The following EPN1 variants were observed in gnomAD, a reference collection of about 807,000 sequenced individuals.
The protein encoded by EPN1 is epsin 1, also known as epsin-1.
EPN1 carries 25 observed loss-of-function variants against 56.9 expected under a neutral mutation model. That is an observed-to-expected ratio of 0.44 (90% confidence interval 0.32 to 0.61). The LOEUF is 0.61. Among genes scored for constraint, EPN1 ranks in the 20% least tolerant of loss-of-function variants. The pLI, the probability that EPN1 is intolerant of heterozygous loss-of-function variation, is 0.05. For synonymous variants in EPN1, 411 were observed against 361.8 expected, an observed-to-expected ratio of 1.14 and a Z score of -1.54; for missense variants, 785 against 823.7, an observed-to-expected ratio of 0.95 and a Z score of 0.58.
rs1054174236 is a variant in EPN1 at position 55,702,152 on chromosome 19, G to A, written c.*6796G>A. The A allele has an allele frequency of 6.6e-6, 1 of 152,082 alleles. No homozygotes were observed. The highest frequency in any genetic ancestry group is 1.5e-5 in the Non-Finnish European group (1 of 68,074). 9.4% of individuals were successfully genotyped at this position (152,082 alleles called of 1,614,324 possible). On this transcript the variant is annotated 3_prime_UTR_variant, in exon 11 of 11. Transcript: ENST00000270460. ...AATTTTGTATTTTTAGTAGAGACAA[G>A]GTTTCACCATGTTGGTCAGGCTGGT... is the stretch of plus-strand genomic sequence containing the variant.
Position 55,691,675 on chromosome 19 carries a change from C to T in EPN1, c.763-79C>T, listed in dbSNP as rs530405614. 1.2e-4 allele frequency: 166 copies of T among 1,384,184 alleles called. No homozygotes were observed. In the African/African-American group the frequency reaches 1.2e-3, roughly 10 times the overall value. The allele number at this position is 1,384,184 out of a possible 1,614,324, so 85.7% of individuals were successfully genotyped here. ...ACACCCAGGGCCTGGCCGCCTCCCC[C>T]GCCACGGGCCCCAGCTTGGTCCCTG... On this transcript the variant is annotated intron_variant, in intron 6 of 10. Coordinates refer to ENST00000270460, the MANE Select transcript of EPN1 (RefSeq NM_001130072.2). This position sits in a 1 kb window ranked among gnomAD's most constrained non-coding sequence, Gnocchi z 5.6.
At chr19:55,677,401 C>T (rs1332109744) in intron 1 of EPN1, 1 of 653,588 alleles carries the variant, frequency 1.5e-6, no homozygotes, top group African/African-American at 1.8e-5. Flanking sequence ...ATTTGCTTGA[C>T]TCTCTTGTTT....
chr19:55,701,956 A>ATTTTTTTTTTTTTTT lies in EPN1; in HGVS notation c.*6602_*6603insTTTTTTTTTTTTTTT, dbSNP rs1600115210. The ATTTTTTTTTTTTTTT allele has an allele frequency of 1.0e-5, 1 of 95,576 alleles. No individual in the cohort carries two copies. Among genetic ancestry groups the ATTTTTTTTTTTTTTT allele is most frequent in the African/African-American group, 5.6e-5 (1 of 17,776 alleles). The allele number at this position is 95,576 out of a possible 1,614,324, so 5.9% of individuals were successfully genotyped here. On this transcript the variant is annotated 3_prime_UTR_variant, in exon 11 of 11. Transcript: ENST00000270460. ...CAGAGTCTCTAGCAGCCCCCACCCC[A>ATTTTTTTTTTTTTTT]TTCTTTTTTTTTTTTTTTTTTTTGA...
At chr19:55,685,857 GC>G (rs1986136486) in intron 3 of EPN1, among the ~76,000 whole-genome samples, 1 of 152,204 alleles carries the variant, frequency 6.6e-6, no homozygotes, top group Admixed American at 6.5e-5. Context: ...GACCCTTCCT[GC>G]CTCTTGCCTC....
chr19:55,708,925 C>G lies in EPN1; in HGVS notation c.*13569C>G. 1 of 1,559,220 alleles carries G rather than the reference C, an allele frequency of 6.4e-7. No individual in the cohort carries two copies. Among genetic ancestry groups the G allele is most frequent in the Non-Finnish European group, 8.6e-7 (1 of 1,160,382 alleles). On this transcript the variant is annotated 3_prime_UTR_variant, in exon 11 of 11. Transcript: ENST00000270460. ...GGGTGTTCCCCATCAGAGGAGCACA[C>G]CCCTGATCTTGTATTCCTCGTCAAT...
At position 55,685,452 on chromosome 19, in the gene EPN1, G is replaced by A. The variant is rs1357152100; in HGVS notation, c.285G>A (p.Gln95=). The A allele has an allele frequency of 1.9e-6, 3 of 1,611,432 alleles. No individual in the cohort carries two copies. Among genetic ancestry groups the A allele is most frequent in the South Asian group, 2.2e-5 (2 of 90,578 alleles). Residue 95 remains glutamine, a synonymous_variant, in exon 3 of 11, where the codon CAG becomes CAA. Transcript: ENST00000270460. ...CCGGCTCGGAGCGCGTGTCGCAGCA[G>A]TGCAAGGAGAACATGTACGCCGTGC... ...IKTGSERVSQ[Q]CKENMYAVQT...
rs6509952 is a variant in EPN1 at position 55,699,105 on chromosome 19, C to T, written c.*3749C>T. On this transcript the variant is annotated 3_prime_UTR_variant, in exon 11 of 11. Coordinates refer to ENST00000270460, the MANE Select transcript of EPN1 (RefSeq NM_001130072.2). ...TAAGTTCTAGGGTACCTATGCACAA[C>T]GCGCAGGTTTGTTACATATATATAC... 64,553 of 152,022 alleles carry T rather than the reference C, an allele frequency of 0.42. 15,104 individuals are homozygous for T. Among genetic ancestry groups the T allele is most frequent in the African/African-American group, 0.62 (25,677 of 41,442 alleles). 9.4% of individuals were successfully genotyped at this position (152,022 alleles called of 1,614,324 possible). A position where few individuals can be genotyped will look rare whatever the true frequency, so the allele number is the denominator to read the frequency against.
chr19:55,681,533 GTTT>G (rs1985818917), intron 2 of EPN1, among the ~76,000 whole-genome samples: 1 of 152,186 alleles, frequency 6.6e-6, no homozygotes, highest in Admixed American at 6.5e-5. Flanking sequence ...TGTAAATAAA[GTTT>G]TATTGGAACA....
Position 55,699,930 on chromosome 19 carries a change from T to A in EPN1, c.*4574T>A, listed in dbSNP as rs1446160549. 6.6e-6 allele frequency: 1 copy of A among 152,196 alleles called. No homozygotes were observed. Among genetic ancestry groups the A allele is most frequent in the African/African-American group, 2.4e-5 (1 of 41,438 alleles). The allele number at this position is 152,196 out of a possible 1,614,324, so 9.4% of individuals were successfully genotyped here. ...TTTATAATTTCCTAAAGCACTATTTTTTTTTTTTGAGACAGAGTCTTGCTC... is the reference window on the plus strand; with the variant it reads ...TTTATAATTTCCTAAAGCACTATTTATTTTTTTTGAGACAGAGTCTTGCTC... On this transcript the variant is annotated 3_prime_UTR_variant, in exon 11 of 11. Transcript: ENST00000270460.
In EPN1 at chr19:55,699,875, T is replaced by C. The variant is rs1002119015; in HGVS notation, c.*4519T>C. ...TTTCAGGGATAATTATATAATGTTA[T>C]GTTTCATCCACATTATTTTAGTATG... On this transcript the variant is annotated 3_prime_UTR_variant, in exon 11 of 11. Transcript: ENST00000270460. The C allele has an allele frequency of 6.6e-6, 1 of 152,244 alleles. No individual in the cohort carries two copies. The highest frequency in any genetic ancestry group is 1.5e-5 in the Non-Finnish European group (1 of 68,044). The allele number at this position is 152,244 out of a possible 1,614,324, so 9.4% of individuals were successfully genotyped here.
chr19:55,678,295 T>C (rs1393310210), intron 1 of EPN1, among the ~76,000 whole-genome samples: 1 of 152,174 alleles, frequency 6.6e-6, no homozygotes, highest in Non-Finnish European at 1.5e-5. Flanking sequence ...CTGAGCCAGG[T>C]TGTGGGGCTG....
rs201438458 is a variant in EPN1, at chr19:55,692,969, C to G, written c.1196C>G (p.Thr399Arg). ...NGTTAAGGFD[T>R]EPDEFSDFDR... Reference sequence around the variant, plus strand: ...CCCACAGCAGCCGGGGGATTCGACACGGAGCCCGACGAGTTCTCTGACTTT... The same window carrying G: ...CCCACAGCAGCCGGGGGATTCGACAGGGAGCCCGACGAGTTCTCTGACTTT... The change falls in exon 9 of 11, where the codon ACG becomes AGG. Residue 399 changes from threonine (T) to arginine (R), a missense_variant. Thr to Arg is a moderately conservative substitution (Grantham distance 71). This residue lies in a region of EPN1 where 650 missense variants were observed against 605.0 expected (regional missense o/e 1.07). Transcript: ENST00000270460. 9.9e-6 allele frequency: 16 copies of G among 1,613,326 alleles called. No individual in the cohort carries two copies. Among genetic ancestry groups the G allele is most frequent in the East Asian group, 2.2e-5 (1 of 44,870 alleles).
chr19:55,681,122 T>C lies in EPN1; in HGVS notation c.228+2267T>C, dbSNP rs530102228. 9.8e-5 allele frequency among the ~76,000 whole-genome samples: 15 copies of C among 152,302 alleles called. No homozygotes were observed. In the East Asian group the frequency reaches 2.5e-3, roughly 26 times the overall value. On this transcript the variant is annotated intron_variant, in intron 2 of 10. Transcript: ENST00000270460. ...GCTGGCTGGCACTTTGTGGGCCTTA[T>C]TGTCCCCGTGGAGAAGGAGGGTGAG... is the stretch of plus-strand genomic sequence containing the variant.
rs1317602607 is a variant in EPN1, at chr19:55,698,343, C to G, written c.*2987C>G. ...GTGGAAAAAACCCCAGAATTTCTCCCTGGGACAGGTGAAGCGATGGGGCGT... is the reference window on the plus strand; with the variant it reads ...GTGGAAAAAACCCCAGAATTTCTCCGTGGGACAGGTGAAGCGATGGGGCGT... On this transcript the variant is annotated 3_prime_UTR_variant, in exon 11 of 11. Transcript: ENST00000270460. The G allele has an allele frequency of 6.6e-6, 1 of 152,164 alleles. No individual in the cohort carries two copies. The highest frequency in any genetic ancestry group is 1.5e-5 in the Non-Finnish European group (1 of 68,114). The allele number at this position is 152,164 out of a possible 1,614,324, so 9.4% of individuals were successfully genotyped here.
intron 3 of EPN1, among the ~76,000 whole-genome samples, chr19:55,686,023 A>G (rs1986147618): frequency 6.6e-6 from 1 of 152,194 alleles, no homozygotes; most frequent in South Asian, 2.1e-4. Flanking sequence ...GATGAGGGGA[A>G]CATCGGAGAG....
rs1986859694 is a variant in EPN1 at position 55,695,379 on chromosome 19, C to T, written c.*23C>T. On this transcript the variant is annotated 3_prime_UTR_variant, in exon 11 of 11. Transcript: ENST00000270460. The surrounding 1 kb of genome is among the most constrained non-coding windows in gnomAD (Gnocchi z 4.4). ...TAATCCAGGGCGGAAGGGGGCCTGG[C>T]TCCATCCGGCTGCCCCATTCCGGCT... The T allele has an allele frequency of 1.5e-6, 2 of 1,301,372 alleles. No individual in the cohort carries two copies. Among genetic ancestry groups the T allele is most frequent in the South Asian group, 2.6e-5 (2 of 76,164 alleles). The allele number at this position is 1,301,372 out of a possible 1,614,324, so 80.6% of individuals were successfully genotyped here.
intron 2 of EPN1, among the ~76,000 whole-genome samples, chr19:55,682,842 T>C (rs1000900642): frequency 6.6e-6 from 1 of 152,094 alleles, no homozygotes; most frequent in Non-Finnish European, 1.5e-5. Flanking sequence ...CTGCAACTTC[T>C]GCCTCCCAGG....
chr19:55,686,875 A>G (rs1292972195), intron 3 of EPN1, among the ~76,000 whole-genome samples: 1 of 148,128 alleles, frequency 6.8e-6, no homozygotes, highest in African/African-American at 2.5e-5. Flanking sequence ...CTCGGAGGAG[A>G]GTGGGAGCCT....
chr19:55,689,063 A>T lies in EPN1; in HGVS notation c.603+69A>T. The T allele has an allele frequency of 6.7e-7, 1 of 1,501,116 alleles. No homozygotes were observed. Among genetic ancestry groups the T allele is most frequent in the Non-Finnish European group, 8.9e-7 (1 of 1,126,742 alleles). 93.0% of individuals were successfully genotyped at this position (1,501,116 alleles called of 1,614,324 possible). On this transcript the variant is annotated intron_variant, in intron 4 of 10. Coordinates refer to ENST00000270460, the MANE Select transcript of EPN1 (RefSeq NM_001130072.2). This position sits in a 1 kb window ranked among gnomAD's most constrained non-coding sequence, Gnocchi z 5.7. ...CACGCCTCACTTCAGGCTCCCTCCC[A>T]GCCAGGCGTGGGCCTGGCCCTCACT...
Sources: gnomAD v4.1 joint callset for allele counts (sites outside exome capture counted in the v4.1 genomes callset) on GRCh38, gnomAD v4.1.1 for gene constraint, gnomAD v4.1.1 regional missense constraint, Gnocchi (gnomAD v3.1) non-coding constraint, MANE v1.5 for transcripts, NCBI Gene and HGNC (gene_info 2026-07-23, HGNC 2026-07-21) for gene names.